Variants in TLL2 observed in about 807,000 individuals in gnomAD.
TLL2 encodes the protein tolloid-like protein 2.
In TLL2, 106 loss-of-function variants were observed where a neutral mutation model predicts 123.0. That is an observed-to-expected ratio of 0.86 (90% CI 0.74 to 1.01). TLL2 has a LOEUF of 1.01. Among genes scored for constraint, TLL2 ranks in the 50% least tolerant of loss-of-function variants. The probability of loss-of-function intolerance (pLI) is 0.00; values close to 1 mark genes in which losing one functional copy is unlikely to be tolerated. For synonymous variants in TLL2, 494 were observed against 516.8 expected (o/e 0.96, Z 0.60); for missense variants, 1,332 against 1,336.7 (o/e 1.00, Z 0.06).
At chr10:96,437,460 G>A (rs1026072595) in intron 3 of TLL2, among the ~76,000 whole-genome samples, 4 of 152,088 alleles carry the variant, frequency 2.6e-5, no homozygotes, top group African/African-American at 9.7e-5. Context: ...TTACAGTTTT[G>A]TGTATCTACC....
chr10:96,500,653 T>C lies in TLL2; in HGVS notation c.175+12858A>G, dbSNP rs991716574. On this transcript the variant is annotated intron_variant, in intron 1 of 20. Transcript: ENST00000357947. ...TACGACACATACAAAAATTAGGTGG[T>C]GCATGTGCCTATAGTCCCAGGTACT... 1.8e-4 allele frequency among the ~76,000 whole-genome samples: 28 copies of C among 151,922 alleles called. 1 individual carries two copies. Among genetic ancestry groups the C allele is most frequent in the African/African-American group, 6.8e-4 (28 of 41,358 alleles).
chr10:96,461,142 T>C (rs559300537), intron 2 of TLL2, among the ~76,000 whole-genome samples: 11 of 152,344 alleles, frequency 7.2e-5, no homozygotes, highest in African/African-American at 2.6e-4. Flanking sequence ...ATAAAAAATT[T>C]AATGGTATGG....
intron 1 of TLL2, 38 bp from the exon 2 acceptor site, chr10:96,480,497 G>T: frequency 1.3e-6 from 2 of 1,532,242 alleles, no homozygotes; most frequent in Non-Finnish European, 1.8e-6. Context: ...ATTTATGCTA[G>T]AAGTCAAGAA....
intron 9 of TLL2, among the ~76,000 whole-genome samples, chr10:96,407,546 C>T (rs570612155): frequency 1.3e-5 from 2 of 152,286 alleles, no homozygotes; most frequent in African/African-American, 4.8e-5. Context: ...CTATGCCTGG[C>T]ACACCATAGG....
intron 13 of TLL2, among the ~76,000 whole-genome samples, chr10:96,388,173 G>A (rs535194897): frequency 6.6e-6 from 1 of 152,318 alleles, no homozygotes; most frequent in South Asian, 2.1e-4. Flanking sequence ...GGAGGCTGAG[G>A]CGGGTGGATC....
chr10:96,489,322 T>C (rs1847389204), intron 1 of TLL2, among the ~76,000 whole-genome samples: 1 of 151,868 alleles, frequency 6.6e-6, no homozygotes, highest in Non-Finnish European at 1.5e-5. Context: ...AGCACGGGAG[T>C]TTGAGACCAG....
intron 2 of TLL2, among the ~76,000 whole-genome samples, chr10:96,466,428 C>T (rs924595327): frequency 2.6e-5 from 4 of 152,212 alleles, no homozygotes; most frequent in Admixed American, 6.5e-5. Context: ...AGAAATGCAG[C>T]TTTGTCTGGG....
chr10:96,367,915 G>T lies in TLL2; in HGVS notation c.*173C>A. On this transcript the variant is annotated 3_prime_UTR_variant, in exon 21 of 21. Coordinates refer to ENST00000357947, the MANE Select transcript of TLL2 (RefSeq NM_012465.4). Reference sequence around the variant, plus strand: ...GAACATTTTTCTCTCCACCTTGTTGGCCAAACTTACAAGACTTTCATTCAA... The same window carrying T: ...GAACATTTTTCTCTCCACCTTGTTGTCCAAACTTACAAGACTTTCATTCAA... 1 of 759,188 alleles carries T rather than the reference G, an allele frequency of 1.3e-6. No individual in the cohort carries two copies. Among genetic ancestry groups the T allele is most frequent in the Non-Finnish European group, 2.0e-6 (1 of 493,510 alleles). The allele number at this position is 759,188 out of a possible 1,614,324, so 47.0% of individuals were successfully genotyped here.
chr10:96,501,723 C>T (rs1847534716), intron 1 of TLL2, among the ~76,000 whole-genome samples: 1 of 152,190 alleles, frequency 6.6e-6, no homozygotes, highest in Non-Finnish European at 1.5e-5. Flanking sequence ...ATCTGCAAAT[C>T]CAAGGCATCC....
chr10:96,459,687 AAAAAAAAAAAAAAAAAAAATAT>A (rs1402998884), intron 2 of TLL2, among the ~76,000 whole-genome samples: 8 of 52,274 alleles, frequency 1.5e-4, no homozygotes, highest in Admixed American at 4.9e-4. Context: ...AAAAAAAAAA[AAAAAAAAAAAAAAAAAAAATAT>A]ATATATATAT....
intron 4 of TLL2, 119 bp from the exon 5 acceptor site, chr10:96,428,867 C>T (rs1447810476): frequency 1.3e-5 from 8 of 623,638 alleles, no homozygotes; most frequent in Middle Eastern, 3.6e-4. Context: ...TGCAATAGTG[C>T]GATCTCGGCT....
intron 10 of TLL2, among the ~76,000 whole-genome samples, chr10:96,402,024 C>A (rs1846402333): frequency 6.6e-6 from 1 of 152,188 alleles, no homozygotes; most frequent in Non-Finnish European, 1.5e-5. Flanking sequence ...TTGAGTTAGT[C>A]CACACTTGGG....
rs776641334 is a variant in TLL2 at position 96,420,965 on chromosome 10, G to A, written c.914C>T (p.Thr305Ile). 28 of 1,614,012 alleles carry A rather than the reference G, an allele frequency of 1.7e-5. No individual in the cohort carries two copies. The highest frequency in any genetic ancestry group is 2.2e-5 in the Non-Finnish European group (26 of 1,179,926). ...FDSIMHYARN[T>I]FSRGVFLDTI... ...AAGCATAGATTCCGACCTTGAGAAGGTGTTCCGGGCGTAGTGCATGATGCT... is the reference window on the plus strand; with the variant it reads ...AAGCATAGATTCCGACCTTGAGAAGATGTTCCGGGCGTAGTGCATGATGCT... Residue 305 changes from threonine to isoleucine, a missense_variant, in exon 7 of 21, where the codon ACC (threonine) becomes ATC (isoleucine). Thr to Ile is a moderately conservative substitution (Grantham distance 89, BLOSUM62 -1). Coordinates refer to ENST00000357947, the MANE Select transcript of TLL2 (RefSeq NM_012465.4).
Position 96,405,291 on chromosome 10 carries a change from A to G in TLL2, c.1208T>C (p.Leu403Pro), listed in dbSNP as rs777601752. Residue 403 changes from leucine to proline, a missense_variant, in exon 10 of 21, where the codon CTG (leucine) becomes CCG (proline). By Grantham distance (98) the Leu-to-Pro change is moderately conservative. Transcript: ENST00000357947. ...GACCTCCACGTAATCATACCAGCAC[A>G]GTCGGCTTTTAAACAAATCCATGGA... is the stretch of plus-strand genomic sequence containing the variant. ...FTSMDLFKSR[L>P]CWYDYVEVRD... 8 of 1,614,116 alleles carry G rather than the reference A, an allele frequency of 5.0e-6. No homozygotes were observed. Among genetic ancestry groups the G allele is most frequent in the Admixed American group, 1.7e-5 (1 of 60,006 alleles).
intron 9 of TLL2, among the ~76,000 whole-genome samples, chr10:96,409,015 C>T (rs1846476432): frequency 6.6e-6 from 1 of 152,188 alleles, no homozygotes; most frequent in Non-Finnish European, 1.5e-5. Flanking sequence ...ACAATGGTTC[C>T]TAGTCATTTG....
At chr10:96,398,888 T>TTC (rs1846364940) in intron 10 of TLL2, among the ~76,000 whole-genome samples, 1 of 149,772 alleles carries the variant, frequency 6.7e-6, no homozygotes, top group Non-Finnish European at 1.5e-5. Flanking sequence ...TTTTTTTTTT[T>TTC]TGAGACAGAG....
intron 1 of TLL2, among the ~76,000 whole-genome samples, chr10:96,502,454 G>T (rs561314315): frequency 4.6e-5 from 7 of 152,324 alleles, no homozygotes; most frequent in African/African-American, 1.4e-4. Context: ...TGGACCAGTG[G>T]CAGTGGGGAT....
intron 17 of TLL2, among the ~76,000 whole-genome samples, chr10:96,377,659 C>T (rs1055344339): frequency 2.0e-5 from 3 of 152,198 alleles, no homozygotes; most frequent in East Asian, 1.9e-4. Flanking sequence ...GTATCACAAA[C>T]ACGGAGGCTC....
chr10:96,375,090 G>A (rs1341105145), intron 18 of TLL2, among the ~76,000 whole-genome samples: 1 of 152,006 alleles, frequency 6.6e-6, no homozygotes, highest in African/African-American at 2.4e-5. Context: ...ACACACTAAC[G>A]TACTTGGGCA....
Sources: allele counts gnomAD v4.1 joint callset (sites outside exome capture counted in the v4.1 genomes callset), GRCh38; gene constraint gnomAD v4.1.1; transcripts MANE v1.5; gene names NCBI Gene and HGNC (gene_info 2026-07-23, HGNC 2026-07-21).